Variants in RASEF observed in about 807,000 individuals in gnomAD.
RASEF encodes the protein RAS and EF-hand domain containing.
RASEF carries 68 observed loss-of-function variants against 90.1 expected under a neutral mutation model. The ratio of observed to expected loss-of-function variants is 0.75; its 90% CI spans 0.62 to 0.92. The LOEUF is 0.92. Among genes scored for constraint, RASEF ranks in the 40% least tolerant of loss-of-function variants. The pLI, the probability that RASEF is intolerant of heterozygous loss-of-function variation, is 0.00. For synonymous variants in RASEF, 331 were observed against 345.2 expected (o/e 0.96, Z 0.46); for missense variants, 949 against 937.2 (o/e 1.01, Z -0.16).
At chr9:83,176,768 C>A in the RASEF span, among the ~76,000 whole-genome samples, 2 of 152,014 alleles carry the variant, frequency 1.3e-5, no homozygotes, top group African/African-American at 2.4e-5. Flanking sequence ...GCTCTATCAC[C>A]CTTTTCCCTT....
the RASEF span, among the ~76,000 whole-genome samples, chr9:83,194,050 AC>A: frequency 1.3e-5 from 2 of 152,024 alleles, no homozygotes; most frequent in Admixed American, 1.3e-4. Context: ...GTTCCTATAT[AC>A]CCCTCCCTTT....
the RASEF span, among the ~76,000 whole-genome samples, chr9:83,123,493 G>A: frequency 5.3e-5 from 8 of 152,072 alleles, no homozygotes; most frequent in Non-Finnish European, 1.0e-4. Flanking sequence ...CCCTTCCCTG[G>A]TTAATCCTCA....
chr9:83,090,767 A>G, the RASEF span, among the ~76,000 whole-genome samples: 3 of 151,982 alleles, frequency 2.0e-5, no homozygotes, highest in Non-Finnish European at 4.4e-5. Flanking sequence ...AGTATATAAT[A>G]TGGAAACTCT....
intron 1 of RASEF, chr9:83,054,960 G>C (rs944616196): frequency 6.8e-6 from 1 of 146,668 alleles, no homozygotes; most frequent in African/African-American, 2.6e-5. Flanking sequence ...CTGTCAGACA[G>C]GGACACTTAA....
At chr9:83,010,252 A>G (rs1244813480) in intron 5 of RASEF, among the ~76,000 whole-genome samples, 1 of 152,234 alleles carries the variant, frequency 6.6e-6, no homozygotes, top group Non-Finnish European at 1.5e-5. Context: ...TTTTCTTAAA[A>G]TAATATTGGA....
intron 9 of RASEF, among the ~76,000 whole-genome samples, chr9:83,004,134 C>A (rs1300383149): frequency 6.6e-6 from 1 of 152,122 alleles, no homozygotes; most frequent in East Asian, 1.9e-4. Context: ...TAAATATTTA[C>A]AGATCATGCC....
intron 9 of RASEF, 61 bp downstream of exon 9, chr9:83,004,424 ACCTCCAAGGAAAT>A: frequency 1.6e-5 from 13 of 837,794 alleles, no homozygotes; most frequent in Non-Finnish European, 2.4e-5. Flanking sequence ...ATTTTAATCC[ACCTCCAAGGAAAT>A]TTACTTTCCT....
the RASEF span, among the ~76,000 whole-genome samples, chr9:83,118,869 T>C: frequency 6.6e-6 from 1 of 152,242 alleles, no homozygotes; most frequent in South Asian, 2.1e-4. Context: ...AAAGCCACAG[T>C]GCTTTTGCTA....
At chr9:83,022,795 C>T (rs1230938961) in intron 2 of RASEF, among the ~76,000 whole-genome samples, 1 of 152,098 alleles carries the variant, frequency 6.6e-6, no homozygotes, top group Non-Finnish European at 1.5e-5. Context: ...AGGCTGGAAA[C>T]CTGAACAGCA....
At chr9:83,032,730 T>C (rs911343949) in intron 1 of RASEF, among the ~76,000 whole-genome samples, 1 of 152,178 alleles carries the variant, frequency 6.6e-6, no homozygotes, top group Non-Finnish European at 1.5e-5. Flanking sequence ...GAACCTTAAA[T>C]AGCAAATATT....
At chr9:83,129,181 C>T in the RASEF span, among the ~76,000 whole-genome samples, 4 of 151,832 alleles carry the variant, frequency 2.6e-5, no homozygotes, top group Admixed American at 6.6e-5. Context: ...CTGAGGTGGG[C>T]GGATCACAGG....
At chr9:83,069,883 A>AT in the RASEF span, among the ~76,000 whole-genome samples, 1 of 152,148 alleles carries the variant, frequency 6.6e-6, no homozygotes. Flanking sequence ...TATAGGTTTA[A>AT]TTTGCATTTC....
chr9:83,008,456 C>A (rs1455436911), intron 6 of RASEF, among the ~76,000 whole-genome samples: 4 of 152,088 alleles, frequency 2.6e-5, no homozygotes, highest in African/African-American at 9.7e-5. Flanking sequence ...ATGTTCTGGT[C>A]CCTGCTTTGG....
chr9:83,150,892 C>T, the RASEF span, among the ~76,000 whole-genome samples: 1 of 152,192 alleles, frequency 6.6e-6, no homozygotes, highest in African/African-American at 2.4e-5. Context: ...ATCCCAAAAT[C>T]ATCATGAACT....
chr9:83,189,174 A>G, the RASEF span, among the ~76,000 whole-genome samples: 1 of 152,022 alleles, frequency 6.6e-6, no homozygotes, highest in African/African-American at 2.4e-5. Flanking sequence ...GGGGGCAGTT[A>G]CCCCCATGCT....
At chr9:83,046,153 T>C (rs987106581) in intron 1 of RASEF, among the ~76,000 whole-genome samples, 3 of 152,182 alleles carry the variant, frequency 2.0e-5, no homozygotes, top group South Asian at 2.1e-4. Flanking sequence ...ACTCGTGTCA[T>C]GAGGCTCTGT....
chr9:83,000,900 G>A lies in RASEF; in HGVS notation c.1433C>T (p.Thr478Ile), dbSNP rs779783671. The change falls in exon 10 of 17, where the codon ACA becomes ATA. Residue 478 changes from threonine (T) to isoleucine (I), a missense_variant. Physicochemically the swap from Thr to Ile is moderately conservative, Grantham distance 89 (BLOSUM62 -1). Coordinates refer to ENST00000376447, the MANE Select transcript of RASEF (RefSeq NM_152573.4). ...QESFGGDASD[T>I]DVPDIRDEET... ...GCAGTGGTTTCTGGGGCTTACATCTGTGTCTGAAGCATCACCTCCAAAGCT... is the reference window on the plus strand; with the variant it reads ...GCAGTGGTTTCTGGGGCTTACATCTATGTCTGAAGCATCACCTCCAAAGCT... 3 of 1,612,666 alleles carry A rather than the reference G, an allele frequency of 1.9e-6. No homozygotes were observed. The highest frequency in any genetic ancestry group is 3.3e-5 in the Admixed American group (2 of 60,030).
At chr9:83,109,110 T>C in the RASEF span, among the ~76,000 whole-genome samples, 1 of 151,522 alleles carries the variant, frequency 6.6e-6, no homozygotes, top group Non-Finnish European at 1.5e-5. Flanking sequence ...ATAGAAGAAG[T>C]AAAAACATGT....
the RASEF span, among the ~76,000 whole-genome samples, chr9:83,141,200 C>T: frequency 1.4e-5 from 2 of 142,052 alleles, no homozygotes; most frequent in South Asian, 4.5e-4. Context: ...AAGAACTAAA[C>T]AAGTGTAAAG....
Sources: allele counts gnomAD v4.1 joint callset (sites outside exome capture counted in the v4.1 genomes callset), GRCh38; gene constraint gnomAD v4.1.1; transcripts MANE v1.5; gene names NCBI Gene and HGNC (gene_info 2026-07-23, HGNC 2026-07-21).